PLCG2: variants seen among roughly 807,000 people sequenced by gnomAD.
PLCG2 encodes the protein 1-phosphatidylinositol 4,5-bisphosphate phosphodiesterase gamma-2.
In PLCG2, 69 loss-of-function variants were observed where a neutral mutation model predicts 175.6. The observed-to-expected ratio is 0.39, with a 90% CI of 0.32 to 0.48. PLCG2 has a LOEUF of 0.48. Among genes scored for constraint, PLCG2 ranks in the 20% least tolerant of loss-of-function variants. The pLI, the probability that PLCG2 is intolerant of heterozygous loss-of-function variation, is 0.91. For missense variants in PLCG2, 1,798 were observed against 1,650.9 expected (o/e 1.09, Z -1.54); for synonymous variants, 827 against 624.0 (o/e 1.33, Z -4.85).
chr16:81,770,435 T>C (rs962061076), intron 2 of PLCG2, among the ~76,000 whole-genome samples: 2 of 152,234 alleles, frequency 1.3e-5, no homozygotes, highest in Non-Finnish European at 2.9e-5. Context: ...TTTTTTGGCC[T>C]GGTGTGGTAG....
In PLCG2 at chr16:81,891,328, C is replaced by T. The variant is rs891240656; in HGVS notation, c.868-144C>T. 9.2e-5 allele frequency: 59 copies of T among 644,182 alleles called. 1 individual carries two copies. Among genetic ancestry groups the T allele is most frequent in the South Asian group, 5.2e-4 (29 of 56,166 alleles). 39.9% of individuals were successfully genotyped at this position (644,182 alleles called of 1,614,324 possible). Reference sequence around the variant, plus strand: ...CAGCCTGAGCCTTCGGTATTGAAAACGTGGGTAACTGAGGTCTGGAGACCG... The same window carrying T: ...CAGCCTGAGCCTTCGGTATTGAAAATGTGGGTAACTGAGGTCTGGAGACCG... On this transcript the variant is annotated intron_variant, in intron 10 of 32. Transcript: ENST00000564138.
At chr16:81,944,655 T>G (rs1911080058) in intron 30 of PLCG2, among the ~76,000 whole-genome samples, 2 of 152,132 alleles carry the variant, frequency 1.3e-5, no homozygotes, top group Non-Finnish European at 2.9e-5. Context: ...TTTTATTTCT[T>G]GTAGAGATGG....
chr16:81,876,575 A>G (rs904683678), intron 7 of PLCG2, among the ~76,000 whole-genome samples: 5 of 152,112 alleles, frequency 3.3e-5, no homozygotes, highest in Admixed American at 2.6e-4. Context: ...CAGAGATGAC[A>G]TTTCCCTGTA....
intron 1 of PLCG2, among the ~76,000 whole-genome samples, chr16:81,744,553 A>T (rs1307560878): frequency 6.6e-6 from 1 of 152,058 alleles, no homozygotes; most frequent in Non-Finnish European, 1.5e-5. Flanking sequence ...GCACTCCATA[A>T]ATAGCAGTCA....
chr16:81,891,702 G>A, intron 11 of PLCG2, 112 bp downstream of exon 11: 2 of 672,682 alleles, frequency 3.0e-6, no homozygotes, highest in Admixed American at 2.2e-5. Flanking sequence ...GGTGGAGGGT[G>A]TAGCACCGCA....
chr16:81,920,673 GTT>G (rs1442085275), intron 20 of PLCG2, among the ~76,000 whole-genome samples: 1 of 152,166 alleles, frequency 6.6e-6, no homozygotes, highest in Admixed American at 6.5e-5. Flanking sequence ...AGAAAGAAGA[GTT>G]AGAGAGGAAC....
At chr16:81,765,260 C>G (rs1463877199) in intron 2 of PLCG2, among the ~76,000 whole-genome samples, 1 of 152,168 alleles carries the variant, frequency 6.6e-6, no homozygotes, top group Non-Finnish European at 1.5e-5. Flanking sequence ...CAAACCAGAA[C>G]ACACAAAAGA....
At chr16:81,799,703 C>T (rs1040802726) in intron 2 of PLCG2, among the ~76,000 whole-genome samples, 2 of 151,912 alleles carry the variant, frequency 1.3e-5, no homozygotes, top group Admixed American at 6.6e-5. Flanking sequence ...CACCATTCTC[C>T]TGCCTCAACC....
At chr16:81,818,755 G>A (rs1708286652) in intron 2 of PLCG2, among the ~76,000 whole-genome samples, 1 of 152,010 alleles carries the variant, frequency 6.6e-6, no homozygotes, top group African/African-American at 2.4e-5. Context: ...TGGAAACTGA[G>A]GGCTGCTGAG....
intron 2 of PLCG2, among the ~76,000 whole-genome samples, chr16:81,816,119 C>T (rs903994382): frequency 6.6e-6 from 1 of 151,746 alleles, no homozygotes; most frequent in Admixed American, 6.6e-5. Flanking sequence ...GCCGGTAATC[C>T]CAGCACTTTG....
intron 19 of PLCG2, among the ~76,000 whole-genome samples, chr16:81,914,513 C>G (rs1412954559): frequency 1.3e-5 from 2 of 152,060 alleles, no homozygotes; most frequent in East Asian, 3.9e-4. Context: ...ACATACACGC[C>G]CCATTCAGTT....
At chr16:81,821,834 C>A (rs1904812469) in intron 2 of PLCG2, among the ~76,000 whole-genome samples, 3 of 151,944 alleles carry the variant, frequency 2.0e-5, no homozygotes. Context: ...TTTTGGGGAC[C>A]CCTCCCCTCT....
At chr16:81,939,826 G>A (rs1158827403) in intron 29 of PLCG2, 66 bp from the exon 30 acceptor site, 8 of 1,051,800 alleles carry the variant, frequency 7.6e-6, no homozygotes, top group African/African-American at 3.1e-5. Context: ...TGAAGGATGC[G>A]GAGATTGTCT....
intron 1 of PLCG2, among the ~76,000 whole-genome samples, chr16:81,745,265 T>G (rs1469317962): frequency 1.3e-5 from 2 of 152,170 alleles, no homozygotes; most frequent in African/African-American, 4.8e-5. Context: ...TATGACCTAG[T>G]GCTGACCCAT....
At chr16:81,868,494 G>A (rs1182132931) in intron 5 of PLCG2, among the ~76,000 whole-genome samples, 1 of 152,148 alleles carries the variant, frequency 6.6e-6, no homozygotes, top group Non-Finnish European at 1.5e-5. Flanking sequence ...TGCCAAGCCC[G>A]TCCTGTGGTT....
At chr16:81,923,095 G>A (rs556285894) in intron 21 of PLCG2, among the ~76,000 whole-genome samples, 238 of 152,270 alleles carry the variant, frequency 1.6e-3, no homozygotes, top group African/African-American at 5.3e-3. Context: ...GACAGTCTTG[G>A]CTTAATCTAA....
intron 2 of PLCG2, among the ~76,000 whole-genome samples, chr16:81,819,433 T>G (rs1353874713): frequency 6.6e-6 from 1 of 152,100 alleles, no homozygotes; most frequent in African/African-American, 2.4e-5. Flanking sequence ...AAGTCAAGGA[T>G]TTGGCTTGGG....
At chr16:81,750,753 C>T (rs1490350385) in intron 1 of PLCG2, among the ~76,000 whole-genome samples, 3 of 139,738 alleles carry the variant, frequency 2.1e-5, no homozygotes, top group African/African-American at 7.9e-5. Context: ...CTGCAAGCTC[C>T]GCCTCCCGGG....
rs572799757 is a variant in PLCG2, at chr16:81,847,882, G to A, written c.194-6562G>A. On this transcript the variant is annotated intron_variant, in intron 2 of 32. Transcript: ENST00000564138. Reference sequence around the variant, plus strand: ...GGCTTGAGCATCTATTTGGATTTTGGTATCTGTGGAAGATCCTGGAACCGA... The same window carrying A: ...GGCTTGAGCATCTATTTGGATTTTGATATCTGTGGAAGATCCTGGAACCGA... Among the ~76,000 whole-genome samples, 4 of 152,216 alleles carry A rather than the reference G, an allele frequency of 2.6e-5. No individual in the cohort carries two copies. In the East Asian group the frequency reaches 7.7e-4, roughly 29 times the overall value.
Sources: allele counts gnomAD v4.1 joint callset (sites outside exome capture counted in the v4.1 genomes callset), GRCh38; gene constraint gnomAD v4.1.1; transcripts MANE v1.5; gene names NCBI Gene and HGNC (gene_info 2026-07-23, HGNC 2026-07-21).